PPP1R37: variants seen among roughly 807,000 people sequenced by gnomAD.
PPP1R37 encodes the protein protein phosphatase 1 regulatory subunit 37.
In PPP1R37, 21 loss-of-function variants were observed where a neutral mutation model predicts 61.0. The ratio of observed to expected loss-of-function variants is 0.34; its 90% CI spans 0.24 to 0.50. The LOEUF (loss-of-function observed/expected upper bound fraction) is 0.50. Among genes scored for constraint, PPP1R37 ranks in the 20% least tolerant of loss-of-function variants. The pLI is 0.98. For missense variants in PPP1R37, 910 were observed against 952.7 expected (o/e 0.96, Z 0.59); for synonymous variants, 443 against 433.5 (o/e 1.02, Z -0.27).
intron 1 of PPP1R37, among the ~76,000 whole-genome samples, chr19:45,117,756 T>C (rs1968288780): frequency 6.6e-6 from 1 of 152,164 alleles, no homozygotes; most frequent in Non-Finnish European, 1.5e-5. Flanking sequence ...AGCAAAGGCT[T>C]AGGGCAGCTG....
intron 7 of PPP1R37, 69 bp from the exon 8 acceptor site, chr19:45,143,452 T>C (rs1189321400): frequency 1.1e-6 from 1 of 914,488 alleles, no homozygotes; most frequent in Non-Finnish European, 1.7e-6. Flanking sequence ...GGGTTGCTCC[T>C]ACCCTGCAGT....
At chr19:45,138,778 T>C (rs1968570123) in intron 2 of PPP1R37, among the ~76,000 whole-genome samples, 167 bp downstream of exon 2, 1 of 152,120 alleles carries the variant, frequency 6.6e-6, no homozygotes, top group Non-Finnish European at 1.5e-5. Flanking sequence ...TCTTCATAAA[T>C]TTGAAGAGCA....
At chr19:45,104,087 G>T (rs1968098814) in intron 1 of PPP1R37, among the ~76,000 whole-genome samples, 1 of 151,890 alleles carries the variant, frequency 6.6e-6, no homozygotes, top group Admixed American at 6.6e-5. Flanking sequence ...CTAGACGCAG[G>T]CGCCTTTGCC....
intron 4 of PPP1R37, among the ~76,000 whole-genome samples, chr19:45,140,948 C>A (rs1253903551): frequency 1.3e-5 from 2 of 152,100 alleles, no homozygotes; most frequent in East Asian, 1.9e-4. Flanking sequence ...AGAGCAGCCT[C>A]CCATCAAGGC....
intron 1 of PPP1R37, among the ~76,000 whole-genome samples, chr19:45,094,319 C>T (rs559353522): frequency 2.8e-4 from 42 of 152,178 alleles, no homozygotes; most frequent in African/African-American, 1.0e-3. Flanking sequence ...CAACGCCTAC[C>T]GCCGCCTCCT....
intron 11 of PPP1R37, 109 bp from the exon 12 acceptor site, chr19:45,146,281 G>A (rs1214383726): frequency 1.1e-5 from 12 of 1,052,620 alleles, no homozygotes; most frequent in South Asian, 1.5e-5. Context: ...CCATCTCAGC[G>A]GTCTCTGGGC....
chr19:45,145,168 A>C lies in PPP1R37; in HGVS notation c.1204A>C (p.Lys402Gln). 2 of 1,535,182 alleles carry C rather than the reference A, an allele frequency of 1.3e-6. No individual in the cohort carries two copies. Among genetic ancestry groups the C allele is most frequent in the Non-Finnish European group, 1.7e-6 (2 of 1,146,490 alleles). ...ACTGGACCTTCGGGAGAACGAGATC[A>C]AGACAGGCGGGCTCATGGCACTGTC... is the stretch of plus-strand genomic sequence containing the variant. ...LRLDLRENEI[K>Q]TGGLMALSLA... The change falls in exon 10 of 13, where the codon AAG (lysine) becomes CAG (glutamine). Residue 402 changes from lysine to glutamine, a missense_variant. By Grantham distance (53) the Lys-to-Gln change is moderately conservative. This residue lies in a region of PPP1R37 where 549 missense variants were observed against 505.1 expected (regional missense o/e 1.09). Coordinates refer to ENST00000221462, the MANE Select transcript of PPP1R37 (RefSeq NM_019121.2).
Position 45,145,758 on chromosome 19 carries a change from G to T in PPP1R37, c.1702G>T (p.Val568Leu), listed in dbSNP as rs941780257. 1 of 1,523,420 alleles carries T rather than the reference G, an allele frequency of 6.6e-7. No homozygotes were observed. Among genetic ancestry groups the T allele is most frequent in the African/African-American group, 1.4e-5 (1 of 72,916 alleles). The allele number at this position is 1,523,420 out of a possible 1,614,324, so 94.4% of individuals were successfully genotyped here. The part of the protein sequence containing the change: ...SVSSPGRGHK[V>L]FVVTRVESPP... ...GTCCAGCCCGGGCCGGGGCCACAAG[G>T]TGTTTGTGGTGACCCGGGTGGAGAG... The change falls in exon 11 of 13, where the codon GTG (valine) becomes TTG (leucine). Residue 568 changes from valine (V) to leucine (L), a missense_variant. Physicochemically the swap from Val to Leu is conservative, Grantham distance 32 (BLOSUM62 1). Coordinates refer to ENST00000221462, the MANE Select transcript of PPP1R37 (RefSeq NM_019121.2).
intron 11 of PPP1R37, 139 bp downstream of exon 11, chr19:45,146,188 C>G (rs945841657): frequency 9.7e-7 from 1 of 1,029,250 alleles, no homozygotes; most frequent in Non-Finnish European, 1.4e-6. Context: ...GGGCTTAGTT[C>G]TCATCTCCAC....
In PPP1R37 at chr19:45,145,987, C is replaced by T. The variant is rs1328601325; in HGVS notation, c.1931C>T (p.Ala644Val). Residue 644 changes from alanine (A) to valine (V), a missense_variant, in exon 11 of 13, where the codon GCA becomes GTA. Ala to Val is a moderately conservative substitution (Grantham distance 64). Around this residue, in one of 3 missense-constraint regions of PPP1R37, gnomAD observed 549 missense variants for 505.1 expected, o/e 1.09. Transcript: ENST00000221462. ...GGCCTGAAGCCCGAGTTCGCCCTGGCACTGCCCCCTGAGCCGCCCCCGGGG... is the reference window on the plus strand; with the variant it reads ...GGCCTGAAGCCCGAGTTCGCCCTGGTACTGCCCCCTGAGCCGCCCCCGGGG... Reference protein sequence around the residue: ...PNGLKPEFALALPPEPPPGPE... With the variant: ...PNGLKPEFALVLPPEPPPGPE... 1.3e-6 allele frequency: 2 copies of T among 1,534,390 alleles called. No homozygotes were observed. Among genetic ancestry groups the T allele is most frequent in the African/African-American group, 1.4e-5 (1 of 73,102 alleles).
At position 45,140,588 on chromosome 19, in the gene PPP1R37, G is replaced by A. The variant is rs755406782; in HGVS notation, c.429G>A (p.Gln143=). Residue 143 remains glutamine (Q), a synonymous_variant, in exon 4 of 13, where the codon CAG becomes CAA. Transcript: ENST00000221462. ...RLQFKVVDLE[Q]TNLDEDGASA... The stretch of plus-strand genomic sequence containing the variant: ...AGTTCAAGGTCGTGGACCTGGAGCA[G>A]ACAAACCTGGATGAAGATGTGAGCG... 8.3e-5 allele frequency: 128 copies of A among 1,536,026 alleles called. 1 individual carries two copies. In the Middle Eastern group the frequency reaches 2.7e-3, roughly 32 times the overall value.
At position 45,142,053 on chromosome 19, in the gene PPP1R37, C is replaced by T. The variant is rs948554994; in HGVS notation, c.568-8C>T. Reference sequence around the variant, plus strand: ...CAGTGCCTCACCCCTGTCCTCTTGCCCCTGCAGACGAGCTGCCTGCAGTAT... The same window carrying T: ...CAGTGCCTCACCCCTGTCCTCTTGCTCCTGCAGACGAGCTGCCTGCAGTAT... On this transcript the variant is annotated splice_region_variant and splice_polypyrimidine_tract_variant and intron_variant, in intron 5 of 12. Coordinates refer to ENST00000221462, the MANE Select transcript of PPP1R37 (RefSeq NM_019121.2). The T allele has an allele frequency of 2.0e-6, 3 of 1,506,666 alleles. No individual in the cohort carries two copies. Among genetic ancestry groups the T allele is most frequent in the Non-Finnish European group, 2.7e-6 (3 of 1,129,912 alleles). The allele number at this position is 1,506,666 out of a possible 1,614,324, so 93.3% of individuals were successfully genotyped here. A position where few individuals can be genotyped will look rare whatever the true frequency, so the allele number is the denominator to read the frequency against.
At chr19:45,140,367 G>A in intron 3 of PPP1R37, 86 bp downstream of exon 3, 1 of 1,219,824 alleles carries the variant, frequency 8.2e-7, no homozygotes, top group East Asian at 4.0e-5. Flanking sequence ...CCTGCCTGGG[G>A]TTAGCGGCTT....
At chr19:45,111,147 C>T (rs1968194883) in intron 1 of PPP1R37, among the ~76,000 whole-genome samples, 1 of 152,198 alleles carries the variant, frequency 6.6e-6, no homozygotes, top group Non-Finnish European at 1.5e-5. Context: ...GCTCATTTGA[C>T]CCTGACAGTG....
intron 1 of PPP1R37, among the ~76,000 whole-genome samples, chr19:45,112,057 A>T (rs1777965977): frequency 6.6e-6 from 1 of 151,226 alleles, no homozygotes. Context: ...CAACCTCTGC[A>T]TCCTGAATTC....
intron 1 of PPP1R37, among the ~76,000 whole-genome samples, chr19:45,118,370 C>G (rs1008685573): frequency 1.3e-5 from 2 of 152,256 alleles, no homozygotes; most frequent in African/African-American, 4.8e-5. Context: ...ACTTTGGGCT[C>G]TCATTTAGGA....
chr19:45,107,975 T>C (rs1224680188), intron 1 of PPP1R37, among the ~76,000 whole-genome samples: 1 of 152,210 alleles, frequency 6.6e-6, no homozygotes, highest in Middle Eastern at 3.2e-3. Flanking sequence ...GATAATGCAG[T>C]GATGTTCGTC....
At chr19:45,099,595 G>T (rs989412538) in intron 1 of PPP1R37, among the ~76,000 whole-genome samples, 9 of 152,190 alleles carry the variant, frequency 5.9e-5, no homozygotes, top group African/African-American at 1.9e-4. Context: ...ACTGTGACTC[G>T]CCGCTCTCCG....
chr19:45,144,697 C>T (rs1968660794), intron 8 of PPP1R37, 157 bp from the exon 9 acceptor site: 1 of 632,700 alleles, frequency 1.6e-6, no homozygotes, highest in Non-Finnish European at 2.6e-6. Flanking sequence ...CAGGCCAGGC[C>T]TGCGGCAGGG....
Sources: allele counts gnomAD v4.1 joint callset (sites outside exome capture counted in the v4.1 genomes callset), GRCh38; gene constraint gnomAD v4.1.1; regional missense constraint gnomAD v4.1.1; transcripts MANE v1.5; gene names NCBI Gene and HGNC (gene_info 2026-07-23, HGNC 2026-07-21).